The following PIK3C2B variants were observed in gnomAD, a reference collection of about 807,000 sequenced individuals.
PIK3C2B encodes phosphatidylinositol-4-phosphate 3-kinase catalytic subunit type 2 beta.
A neutral mutation model predicts 184.3 loss-of-function variants in PIK3C2B; 83 were observed. That is an observed-to-expected ratio of 0.45 (90% CI 0.38 to 0.54). PIK3C2B has a LOEUF of 0.54. PIK3C2B is among the 20% of genes least tolerant of loss of function. The pLI, the probability that PIK3C2B is intolerant of heterozygous loss-of-function variation, is 0.00. For missense variants in PIK3C2B, 1,736 were observed against 2,113.5 expected, an observed-to-expected ratio of 0.82 and a Z score of 3.50; for synonymous variants, 779 against 837.6, an observed-to-expected ratio of 0.93 and a Z score of 1.21.
chr1:204,454,342 C>T lies in PIK3C2B; in HGVS notation c.2066+327G>A, dbSNP rs1019937668. Among the ~76,000 whole-genome samples, 5 of 151,802 alleles carry T rather than the reference C, an allele frequency of 3.3e-5. No individual in the cohort carries two copies. In the South Asian group the frequency reaches 6.3e-4, roughly 19 times the overall value. On this transcript the variant is annotated intron_variant, in intron 12 of 32. Coordinates refer to ENST00000684373, the MANE Select transcript of PIK3C2B (RefSeq NM_001377334.1). ...CTAAAAATACAAAAAATTAGCTGGG[C>T]GTGGTGGCGGGCGCCTGTAGTCCCA...
intron 3 of PIK3C2B, 32 bp downstream of exon 3, chr1:204,465,187 T>G: frequency 1.4e-5 from 9 of 632,322 alleles, no homozygotes; most frequent in Non-Finnish European, 2.6e-5. Context: ...CCCATAGCCC[T>G]CCCAAATCCC....
chr1:204,470,168 C>CTT (rs34940315), intron 1 of PIK3C2B, among the ~76,000 whole-genome samples: 1,506 of 138,166 alleles, frequency 0.011, 40 homozygotes, highest in African/African-American at 0.035. Flanking sequence ...AGAGAGGCAC[C>CTT]TTTTTTTTTT....
In PIK3C2B at chr1:204,469,221, C is replaced by A; in HGVS notation, c.582G>T (p.Leu194Phe). Residue 194 changes from leucine to phenylalanine, a missense_variant, in exon 2 of 33, where the codon TTG becomes TTT. By Grantham distance (22) the Leu-to-Phe change is conservative. Coordinates refer to ENST00000684373, the MANE Select transcript of PIK3C2B (RefSeq NM_001377334.1). The part of the protein sequence containing the change: ...SQPSDINTFS[L>F]VEQLPGKLLE... ...GCAGTTTGCCCGGCAATTGTTCGAC[C>A]AAAGAGAAAGTGTTGATGTCACTGG... 1.9e-6 allele frequency: 3 copies of A among 1,605,586 alleles called. No individual in the cohort carries two copies. Among genetic ancestry groups the A allele is most frequent in the South Asian group, 2.2e-5 (2 of 89,980 alleles).
chr1:204,464,273 G>C, intron 4 of PIK3C2B, 141 bp from the exon 5 acceptor site: 1 of 1,166,570 alleles, frequency 8.6e-7, no homozygotes, highest in Non-Finnish European at 1.2e-6. Flanking sequence ...GTAGTTCAGA[G>C]TTGAGGAAAG....
intron 26 of PIK3C2B, among the ~76,000 whole-genome samples, chr1:204,432,688 T>C (rs1442380108): frequency 6.6e-6 from 1 of 152,160 alleles, no homozygotes; most frequent in East Asian, 1.9e-4. Flanking sequence ...TCTGTGTAAA[T>C]GTCTAAATAT....
chr1:204,459,450 T>C lies in PIK3C2B; in HGVS notation c.1566+428A>G, dbSNP rs187968706. 2.8e-3 allele frequency among the ~76,000 whole-genome samples: 432 copies of C among 152,344 alleles called. 6 individuals are homozygous for C. Among genetic ancestry groups the C allele is most frequent in the Middle Eastern group, 0.02 (6 of 294 alleles). On this transcript the variant is annotated intron_variant, in intron 8 of 32. Coordinates refer to ENST00000684373, the MANE Select transcript of PIK3C2B (RefSeq NM_001377334.1). ...GGGGAGGGCTCTGGCCCTCCCTACA[T>C]GTGAAACCTTCTACCTCCTGATGGT...
Position 204,455,953 on chromosome 1 carries a change from G to T in PIK3C2B, c.1846C>A (p.Arg616Ser). Reference protein sequence around the residue: ...ADFQTAVPGSRKHDLVQEACH... With the variant: ...ADFQTAVPGSSKHDLVQEACH... ...GCCTCCTGGACCAGGTCATGCTTGC[G>T]GCTCCCGGGCACTGCCGTCTGGAAG... The change falls in exon 11 of 33, where the codon CGC becomes AGC. Residue 616 changes from arginine to serine, a missense_variant. Physicochemically the swap from Arg to Ser is moderately radical, Grantham distance 110. Transcript: ENST00000684373. 2 of 1,614,184 alleles carry T rather than the reference G, an allele frequency of 1.2e-6. No homozygotes were observed. Among genetic ancestry groups the T allele is most frequent in the Non-Finnish European group, 1.7e-6 (2 of 1,180,024 alleles).
chr1:204,430,057 C>T lies in PIK3C2B; in HGVS notation c.4281-19G>A. 1 of 1,501,494 alleles carries T rather than the reference C, an allele frequency of 6.7e-7. No homozygotes were observed. The highest frequency in any genetic ancestry group is 9.2e-7 in the Non-Finnish European group (1 of 1,087,030). The allele number at this position is 1,501,494 out of a possible 1,614,324, so 93.0% of individuals were successfully genotyped here. On this transcript the variant is annotated intron_variant, in intron 28 of 32. Transcript: ENST00000684373. ...AGGGAAGCTGGCGTGGCAGCGTAGG[C>T]AGCGGGGATGCAGGAGGTGAAGATG...
Position 204,487,882 on chromosome 1 carries a change from C to A in PIK3C2B, c.-85+6474G>T, listed in dbSNP as rs550638529. ...GGAGGGGGGTGCAATGTGGTTCCCT[C>A]AAGGTCAGGGACCACACTCAATTCA... On this transcript the variant is annotated intron_variant, in intron 1 of 32. Coordinates refer to ENST00000684373, the MANE Select transcript of PIK3C2B (RefSeq NM_001377334.1). 1.2e-4 allele frequency among the ~76,000 whole-genome samples: 18 copies of A among 152,222 alleles called. No individual in the cohort carries two copies. In the South Asian group the frequency reaches 3.5e-3, roughly 30 times the overall value.
At chr1:204,470,843 C>T (rs1656259077) in intron 1 of PIK3C2B, among the ~76,000 whole-genome samples, 1 of 152,238 alleles carries the variant, frequency 6.6e-6, no homozygotes, top group Non-Finnish European at 1.5e-5. Context: ...CAAGGCTAAT[C>T]TTAAAATAGC....
Position 204,429,993 on chromosome 1 carries a change from C to T in PIK3C2B, c.4326G>A (p.Val1442=). The T allele has an allele frequency of 1.2e-6, 2 of 1,611,796 alleles. No individual in the cohort carries two copies. The highest frequency in any genetic ancestry group is 1.7e-5 in the Admixed American group (1 of 60,026). The change falls in exon 29 of 33, where the codon GTG becomes GTA. Residue 1442 remains valine, a synonymous_variant. Transcript: ENST00000684373. ...FVIGRSRGEA[V]AERRREELNG... is the part of the protein sequence containing the mutation. ...TTAGCTCCTCCCTCCGCCGCTCGGC[C>T]ACCGCCTCTCCCCGGGAGCGGCCGA...
intron 29 of PIK3C2B, chr1:204,428,852 T>C (rs779429049): frequency 2.3e-6 from 1 of 443,686 alleles, no homozygotes. Flanking sequence ...AGTGTTTAGG[T>C]GATGGATATA....
In PIK3C2B at chr1:204,424,750, C is replaced by T. The variant is rs776170355; in HGVS notation, c.*102G>A. 1 of 1,218,336 alleles carries T rather than the reference C, an allele frequency of 8.2e-7. No individual in the cohort carries two copies. Among genetic ancestry groups the T allele is most frequent in the Non-Finnish European group, 1.2e-6 (1 of 823,068 alleles). 75.5% of individuals were successfully genotyped at this position (1,218,336 alleles called of 1,614,324 possible). A position where few individuals can be genotyped will look rare whatever the true frequency, so the allele number is the denominator to read the frequency against. ...TCACCTGGACCGAGCTGGAGGCCTG[C>T]CCAGGGCCCTGGCCCTTCACAAGGA... On this transcript the variant is annotated 3_prime_UTR_variant, in exon 33 of 33. Transcript: ENST00000684373.
intron 23 of PIK3C2B, among the ~76,000 whole-genome samples, chr1:204,438,266 C>T (rs186924155): frequency 2.8e-4 from 42 of 152,316 alleles, no homozygotes; most frequent in Non-Finnish European, 4.7e-4. Context: ...TCCCTACTTT[C>T]CTCAACCTAA....
Position 204,457,809 on chromosome 1 carries a change from G to A in PIK3C2B, c.1632C>T (p.Ala544=), listed in dbSNP as rs151334446. 346 of 1,612,996 alleles carry A rather than the reference G, an allele frequency of 2.1e-4. No individual in the cohort carries two copies. In the African/African-American group the frequency reaches 3.2e-3, roughly 15 times the overall value. ...TGGTGATCTCAGGGGTTTCCACGGC[G>A]GCCAGGGCGTTGCAGATGGCCTTGA... is the stretch of plus-strand genomic sequence containing the variant. The part of the protein sequence containing the change: ...QSVKAICNAL[A]AVETPEITSA... The change falls in exon 9 of 33, where the codon GCC becomes GCT. Residue 544 remains alanine, a synonymous_variant. Coordinates refer to ENST00000684373, the MANE Select transcript of PIK3C2B (RefSeq NM_001377334.1).
In PIK3C2B at chr1:204,433,711, C is replaced by G; in HGVS notation, c.3843+82G>C. 1 of 1,349,618 alleles carries G rather than the reference C, an allele frequency of 7.4e-7. No homozygotes were observed. 83.6% of individuals were successfully genotyped at this position (1,349,618 alleles called of 1,614,324 possible). On this transcript the variant is annotated intron_variant, in intron 25 of 32. Coordinates refer to ENST00000684373, the MANE Select transcript of PIK3C2B (RefSeq NM_001377334.1). This position sits in a 1 kb window ranked among gnomAD's most constrained non-coding sequence, Gnocchi z 5.0. ...CTCAGAGAGGTAAATCTCTAGAAAT[C>G]CTCTGCGGCAAGACAGGGAAGTCTT... is the stretch of plus-strand genomic sequence containing the variant.
intron 11 of PIK3C2B, 115 bp downstream of exon 11, chr1:204,455,741 C>T (rs1413444363): frequency 1.2e-6 from 1 of 844,066 alleles, no homozygotes; most frequent in Non-Finnish European, 1.8e-6. Flanking sequence ...CACAATGTCA[C>T]ACAATGCCAC....
intron 8 of PIK3C2B, 75 bp downstream of exon 8, chr1:204,459,803 T>C: frequency 8.0e-7 from 1 of 1,250,760 alleles, no homozygotes; most frequent in Non-Finnish European, 1.2e-6. Flanking sequence ...TAGTGCTGGG[T>C]GATCCCAGGA....
rs61763435 is a variant in PIK3C2B at position 204,434,302 on chromosome 1, T to C, written c.3686+137A>G. 1,229 of 742,124 alleles carry C rather than the reference T, an allele frequency of 1.7e-3. 16 individuals carry two copies. The African/African-American group carries it at 0.019, about 12-fold the overall frequency. The allele number at this position is 742,124 out of a possible 1,614,324, so 46.0% of individuals were successfully genotyped here. A position where few individuals can be genotyped will look rare whatever the true frequency, so the allele number is the denominator to read the frequency against. On this transcript the variant is annotated intron_variant, in intron 24 of 32. Coordinates refer to ENST00000684373, the MANE Select transcript of PIK3C2B (RefSeq NM_001377334.1). ...ACTTGACCTCTTTATCCGTCTTCTC[T>C]CCTCCAATGCTGCTCAGCCCTGGGA...
Sources: gnomAD v4.1 joint callset for allele counts (sites outside exome capture counted in the v4.1 genomes callset) on GRCh38, gnomAD v4.1.1 for gene constraint, Gnocchi (gnomAD v3.1) non-coding constraint, MANE v1.5 for transcripts, NCBI Gene and HGNC (gene_info 2026-07-23, HGNC 2026-07-21) for gene names.